Variants in PTPN9 observed in about 807,000 individuals in gnomAD.
PTPN9 encodes the protein protein tyrosine phosphatase non-receptor type 9.
Under a neutral mutation model 69.8 loss-of-function variants are expected in PTPN9, and 26 were observed. The observed-to-expected ratio is 0.37, with a 90% CI of 0.27 to 0.52. The LOEUF (loss-of-function observed/expected upper bound fraction) is 0.52. Ranked by LOEUF, PTPN9 falls within the 20% of genes least tolerant of loss-of-function variation. The probability of loss-of-function intolerance (pLI) is 0.91; values close to 1 mark genes in which losing one functional copy is unlikely to be tolerated. For missense variants in PTPN9, 549 were observed against 740.3 expected (o/e 0.74, Z 3.00); for synonymous variants, 274 against 272.5 (o/e 1.01, Z -0.05).
chr15:75,499,388 A>G (rs1424733994), intron 7 of PTPN9, among the ~76,000 whole-genome samples: 1 of 144,126 alleles, frequency 6.9e-6, no homozygotes, highest in Non-Finnish European at 1.5e-5. Context: ...CAACAAGACG[A>G]TCTAAACCCA....
At chr15:75,479,807 A>G in intron 9 of PTPN9, 41 bp downstream of exon 9, 1 of 1,499,554 alleles carries the variant, frequency 6.7e-7, no homozygotes, top group Non-Finnish European at 9.1e-7. Flanking sequence ...AATCATAAGT[A>G]GATGGCACAA....
intron 8 of PTPN9, among the ~76,000 whole-genome samples, chr15:75,482,787 TAAAAA>T (rs36049658): frequency 1.4e-5 from 2 of 144,974 alleles, no homozygotes; most frequent in African/African-American, 5.1e-5. Flanking sequence ...AAAAATAAAT[TAAAAA>T]AAAATACAAA....
At chr15:75,556,881 G>A (rs1358696044) in intron 1 of PTPN9, among the ~76,000 whole-genome samples, 2 of 151,970 alleles carry the variant, frequency 1.3e-5, no homozygotes, top group African/African-American at 4.8e-5. Context: ...ACAGCCTCTG[G>A]TATTCTACTT....
chr15:75,504,028 T>G (rs1595955187), intron 7 of PTPN9, among the ~76,000 whole-genome samples: 1 of 106,742 alleles, frequency 9.4e-6, no homozygotes, highest in African/African-American at 3.7e-5. Context: ...GGGAGGGAGG[T>G]GGGGGGCTCA....
chr15:75,483,656 T>C (rs576244187), intron 8 of PTPN9, among the ~76,000 whole-genome samples: 3 of 152,324 alleles, frequency 2.0e-5, no homozygotes, highest in Middle Eastern at 3.4e-3. Flanking sequence ...AATATACTAA[T>C]AGCCATTGAC....
At chr15:75,518,199 T>C (rs1430878659) in intron 4 of PTPN9, among the ~76,000 whole-genome samples, 1 of 150,780 alleles carries the variant, frequency 6.6e-6, no homozygotes, top group Non-Finnish European at 1.5e-5. Context: ...TGACAATACC[T>C]CATCATGTAG....
At chr15:75,539,007 A>T (rs2074996826) in intron 1 of PTPN9, among the ~76,000 whole-genome samples, 1 of 151,882 alleles carries the variant, frequency 6.6e-6, no homozygotes, top group African/African-American at 2.4e-5. Flanking sequence ...CAGTCTCTAT[A>T]AAAAAAATAA....
chr15:75,507,755 A>G (rs1183709781), intron 6 of PTPN9, among the ~76,000 whole-genome samples: 3 of 151,294 alleles, frequency 2.0e-5, no homozygotes, highest in Non-Finnish European at 4.4e-5. Context: ...AGACAGAGCG[A>G]GACTCCGTCT....
intron 10 of PTPN9, 166 bp from the exon 11 acceptor site, chr15:75,470,996 T>C (rs1229926880): frequency 6.3e-6 from 5 of 795,428 alleles, no homozygotes; most frequent in Admixed American, 3.0e-5. Flanking sequence ...CTCTTCATTC[T>C]AAACAAATGT....
chr15:75,519,050 A>G (rs940449215), intron 4 of PTPN9, among the ~76,000 whole-genome samples: 2 of 152,196 alleles, frequency 1.3e-5, no homozygotes, highest in East Asian at 3.8e-4. Context: ...TTTCACATCT[A>G]TTTAGAATTG....
intron 11 of PTPN9, among the ~76,000 whole-genome samples, chr15:75,470,236 ACT>A (rs1486420552): frequency 6.6e-6 from 1 of 152,150 alleles, no homozygotes; most frequent in East Asian, 1.9e-4. Flanking sequence ...ACAGGATCTC[ACT>A]CTGTTGCCCA....
chr15:75,553,109 G>A (rs1234771356), intron 1 of PTPN9, among the ~76,000 whole-genome samples: 1 of 151,908 alleles, frequency 6.6e-6, no homozygotes, highest in East Asian at 1.9e-4. Context: ...TTGCAAGAGG[G>A]GAGAAAAGGT....
At chr15:75,502,655 T>A (rs1475559197) in intron 7 of PTPN9, among the ~76,000 whole-genome samples, 2 of 152,144 alleles carry the variant, frequency 1.3e-5, no homozygotes, top group East Asian at 1.9e-4. Flanking sequence ...GTTAAAGTCC[T>A]ATGAGGCAAC....
At chr15:75,475,279 T>C (rs1265552073) in intron 9 of PTPN9, among the ~76,000 whole-genome samples, 1 of 152,128 alleles carries the variant, frequency 6.6e-6, no homozygotes, top group East Asian at 1.9e-4. Flanking sequence ...CCAACTCCAC[T>C]TTGATCAAGA....
At chr15:75,494,583 C>T (rs182629482) in intron 7 of PTPN9, among the ~76,000 whole-genome samples, 66 of 152,004 alleles carry the variant, frequency 4.3e-4, no homozygotes, top group African/African-American at 1.5e-3. Context: ...GAACTCCTCA[C>T]CTCAGGTGAT....
intron 1 of PTPN9, among the ~76,000 whole-genome samples, chr15:75,545,919 G>C (rs554359525): frequency 4.6e-5 from 7 of 152,300 alleles, no homozygotes; most frequent in Non-Finnish European, 8.8e-5. Flanking sequence ...CTGCACTCCA[G>C]CCTGGGTGAC....
intron 1 of PTPN9, among the ~76,000 whole-genome samples, chr15:75,572,002 A>G (rs907522165): frequency 6.6e-6 from 1 of 152,236 alleles, no homozygotes; most frequent in Non-Finnish European, 1.5e-5. Context: ...CTGAACAGCT[A>G]TAATTATACA....
intron 6 of PTPN9, among the ~76,000 whole-genome samples, chr15:75,506,281 C>G (rs1036587930): frequency 6.6e-6 from 1 of 152,140 alleles, no homozygotes; most frequent in Non-Finnish European, 1.5e-5. Flanking sequence ...ATGTAGTGAA[C>G]AAAAGCTTTA....
chr15:75,485,563 G>T (rs1235585684), intron 8 of PTPN9, among the ~76,000 whole-genome samples: 3 of 148,454 alleles, frequency 2.0e-5, no homozygotes, highest in Non-Finnish European at 4.5e-5. Flanking sequence ...GTAGAGACGG[G>T]GTTTCACCTT....
Sources: allele counts gnomAD v4.1 joint callset (sites outside exome capture counted in the v4.1 genomes callset), GRCh38; gene constraint gnomAD v4.1.1; transcripts MANE v1.5; gene names NCBI Gene and HGNC (gene_info 2026-07-23, HGNC 2026-07-21).